Variants in ZNF385D observed in about 807,000 individuals in gnomAD.
ZNF385D encodes zinc finger protein 659.
ZNF385D carries 15 observed loss-of-function variants against 35.8 expected under a neutral mutation model. The ratio of observed to expected loss-of-function variants is 0.42; its 90% confidence interval spans 0.28 to 0.64. The LOEUF (loss-of-function observed/expected upper bound fraction) is 0.64. ZNF385D is among the 30% of genes least tolerant of loss of function. The probability of loss-of-function intolerance (pLI) is 0.23; values close to 1 mark genes in which losing one functional copy is unlikely to be tolerated. For synonymous variants in ZNF385D, 212 were observed against 186.8 expected (o/e 1.13, Z -1.10); for missense variants, 474 against 494.6 (o/e 0.96, Z 0.39).
chr3:21,615,793 A>AGTGTGTGTGTGTGTGTGGGT, intron 2 of ZNF385D, among the ~76,000 whole-genome samples: 1 of 145,354 alleles, frequency 6.9e-6, no homozygotes, highest in East Asian at 2.1e-4. Flanking sequence ...ATGGAGAAAG[A>AGTGTGTGTGTGTGTGTGGGT]GTGTGTGTGT....
chr3:21,737,457 G>A (rs928540743), intron 1 of ZNF385D, among the ~76,000 whole-genome samples: 2 of 99,866 alleles, frequency 2.0e-5, no homozygotes, highest in Non-Finnish European at 4.1e-5. Context: ...AACAAGAGGG[G>A]GATATATATA....
At chr3:21,718,166 T>G (rs1157551455) in intron 1 of ZNF385D, among the ~76,000 whole-genome samples, 1 of 152,208 alleles carries the variant, frequency 6.6e-6, no homozygotes, top group Non-Finnish European at 1.5e-5. Flanking sequence ...ATCTACATGA[T>G]GTATTTCAGA....
intron 3 of ZNF385D, among the ~76,000 whole-genome samples, chr3:22,166,268 T>C (rs1365170933): frequency 7.2e-6 from 1 of 139,418 alleles, no homozygotes; most frequent in African/African-American, 2.5e-5. Flanking sequence ...GGGGAAAAAA[T>C]CTGAATAGGA....
At chr3:21,443,148 G>C in intron 4 of ZNF385D, 3 of 985,336 alleles carry the variant, frequency 3.0e-6, no homozygotes, top group Non-Finnish European at 3.6e-6. Context: ...GAGAAATCAA[G>C]TGCTCCACTC....
At chr3:21,665,590 G>C (rs2066380710) in intron 1 of ZNF385D, among the ~76,000 whole-genome samples, 1 of 152,142 alleles carries the variant, frequency 6.6e-6, no homozygotes, top group Non-Finnish European at 1.5e-5. Flanking sequence ...CCAGTGCTAC[G>C]ACGATGTCTG....
At chr3:22,113,817 T>C (rs546077273) in intron 3 of ZNF385D, among the ~76,000 whole-genome samples, 3 of 152,068 alleles carry the variant, frequency 2.0e-5, no homozygotes, top group Non-Finnish European at 4.4e-5. Flanking sequence ...GACAATTTGG[T>C]GCTTTTTCAA....
chr3:21,774,724 T>A (rs189223095), intron 3 of ZNF385D, among the ~76,000 whole-genome samples: 162 of 151,958 alleles, frequency 1.1e-3, no homozygotes, highest in African/African-American at 3.8e-3. Flanking sequence ...GTAGATGTAA[T>A]TAAGAATAAC....
chr3:22,361,930 T>C (rs557152204), intron 2 of ZNF385D, among the ~76,000 whole-genome samples: 69 of 152,066 alleles, frequency 4.5e-4, no homozygotes, highest in South Asian at 8.3e-4. Context: ...AAGTTTTTAG[T>C]ATATGAACTA....
chr3:21,862,532 C>T (rs1697112770), intron 3 of ZNF385D, among the ~76,000 whole-genome samples: 1 of 152,104 alleles, frequency 6.6e-6, no homozygotes, highest in African/African-American at 2.4e-5. Flanking sequence ...CATGGCAACT[C>T]CCACCATTGC....
intron 3 of ZNF385D, among the ~76,000 whole-genome samples, chr3:21,996,878 C>T (rs2047065477): frequency 6.6e-6 from 1 of 152,098 alleles, no homozygotes; most frequent in African/African-American, 2.4e-5. Context: ...TGCTTCTCTG[C>T]CCGAGTGATT....
chr3:21,986,644 G>A (rs1052575980), intron 3 of ZNF385D, among the ~76,000 whole-genome samples: 22 of 146,186 alleles, frequency 1.5e-4, no homozygotes, highest in African/African-American at 4.8e-4. Context: ...TGTATATTCT[G>A]TTGATTTGGG....
chr3:21,567,869 C>G (rs912866682), intron 2 of ZNF385D, among the ~76,000 whole-genome samples: 1 of 151,930 alleles, frequency 6.6e-6, no homozygotes, highest in Non-Finnish European at 1.5e-5. Context: ...GAGGCAGTGA[C>G]CACATTCAAT....
chr3:22,127,907 A>C (rs145699994), intron 3 of ZNF385D, among the ~76,000 whole-genome samples: 15 of 152,302 alleles, frequency 9.8e-5, no homozygotes, highest in African/African-American at 3.6e-4. Flanking sequence ...TAGTCTTCCT[A>C]CTAAAGATAT....
intron 1 of ZNF385D, among the ~76,000 whole-genome samples, chr3:21,741,632 GT>G (rs5847131): frequency 0.74 from 111,082 of 150,834 alleles, 41,084 homozygotes; most frequent in African/African-American, 0.79. Context: ...ATTTTGCCTT[GT>G]TTTTTTTTTT....
At chr3:21,466,657 C>A (rs1016759024) in intron 4 of ZNF385D, among the ~76,000 whole-genome samples, 2 of 152,100 alleles carry the variant, frequency 1.3e-5, no homozygotes, top group Admixed American at 1.3e-4. Context: ...TTATTTATGT[C>A]TAGTGAGTCC....
chr3:21,601,139 A>T (rs2064277865), intron 2 of ZNF385D, among the ~76,000 whole-genome samples: 1 of 152,226 alleles, frequency 6.6e-6, no homozygotes, highest in Non-Finnish European at 1.5e-5. Context: ...ACAATTAAAA[A>T]TTATTTGAAA....
intron 3 of ZNF385D, among the ~76,000 whole-genome samples, chr3:22,030,282 T>TCCTATACAAATAACAAATAGG (rs1359136179): frequency 2.7e-4 from 31 of 114,510 alleles, no homozygotes; most frequent in East Asian, 7.3e-4. Context: ...TATATATATA[T>TCCTATACAAATAACAAATAGG]ATATATATAT....
intron 3 of ZNF385D, among the ~76,000 whole-genome samples, chr3:22,016,950 A>G (rs1264950640): frequency 6.7e-6 from 1 of 149,674 alleles, no homozygotes; most frequent in Non-Finnish European, 1.5e-5. Context: ...ACACACACAC[A>G]CACACAAACA....
chr3:21,795,041 C>G (rs761539106), intron 3 of ZNF385D, among the ~76,000 whole-genome samples: 20 of 152,230 alleles, frequency 1.3e-4, no homozygotes, highest in Non-Finnish European at 2.4e-4. Flanking sequence ...AGTGTTGTAT[C>G]AAATTATTTG....
Sources: gnomAD v4.1 joint callset for allele counts (sites outside exome capture counted in the v4.1 genomes callset) on GRCh38, gnomAD v4.1.1 for gene constraint, MANE v1.5 for transcripts, NCBI Gene and HGNC (gene_info 2026-07-23, HGNC 2026-07-21) for gene names.